RNF130: variants seen among roughly 807,000 people sequenced by gnomAD.
The protein encoded by RNF130 is ring finger protein 130.
A neutral mutation model predicts 44.6 loss-of-function variants in RNF130; 21 were observed. The observed-to-expected ratio is 0.47, with a 90% CI of 0.33 to 0.68. The LOEUF is 0.68. Ranked by LOEUF, RNF130 falls within the 30% of genes least tolerant of loss-of-function variation. RNF130 has a pLI of 0.02. For synonymous variants in RNF130, 214 were observed against 210.4 expected, an observed-to-expected ratio of 1.02 and a Z score of -0.15; for missense variants, 479 against 560.6, an observed-to-expected ratio of 0.85 and a Z score of 1.47.
chr5:179,941,372 G>A (rs17616317), intron 7 of RNF130, among the ~76,000 whole-genome samples: 9,331 of 152,306 alleles, frequency 0.061, 317 homozygotes, highest in South Asian at 0.12. Context: ...AGATTGAACA[G>A]ATTCACAGTT....
chr5:179,992,201 G>A (rs1206351806), intron 3 of RNF130, among the ~76,000 whole-genome samples: 1 of 152,162 alleles, frequency 6.6e-6, no homozygotes, highest in Non-Finnish European at 1.5e-5. Context: ...GAGTGCAGTG[G>A]CACGATCTCG....
At position 179,955,249 on chromosome 5, in the gene RNF130, AATCAACTGACC is replaced by A. The variant is rs1431997795; in HGVS notation, c.*394_*404del. ...GAATGTCCCCCTTGAAGAATGAGTA[AATCAACTGACC>A]ATCCTAAGCGGCATCACCAGCAGGA... On this transcript the variant is annotated 3_prime_UTR_variant, in exon 9 of 9. Transcript: ENST00000521389. The A allele has an allele frequency of 1.8e-5, 3 of 163,308 alleles. No individual in the cohort carries two copies. Among genetic ancestry groups the A allele is most frequent in the African/African-American group, 7.1e-5 (3 of 42,010 alleles). 10.1% of individuals were successfully genotyped at this position (163,308 alleles called of 1,614,324 possible).
chr5:179,953,881 A>G (rs1762163430), downstream of RNF130, among the ~76,000 whole-genome samples: 3 of 152,244 alleles, frequency 2.0e-5, no homozygotes, highest in Admixed American at 6.5e-5. Flanking sequence ...CCTAGTATCT[A>G]GAACATACAA....
intron 2 of RNF130, among the ~76,000 whole-genome samples, chr5:180,034,438 T>C (rs1311327047): frequency 1.3e-5 from 2 of 152,188 alleles, no homozygotes; most frequent in African/African-American, 4.8e-5. Context: ...GAAGGATTAG[T>C]ATTATTTTTT....
chr5:179,931,528 G>A (rs746813120), intron 7 of RNF130, among the ~76,000 whole-genome samples: 23 of 151,928 alleles, frequency 1.5e-4, no homozygotes, highest in African/African-American at 2.9e-4. Context: ...CAGCACTTTG[G>A]GGGGCCGAGG....
chr5:179,926,655 TA>T (rs1191022762), intron 7 of RNF130, among the ~76,000 whole-genome samples: 3 of 151,860 alleles, frequency 2.0e-5, no homozygotes, highest in Non-Finnish European at 4.4e-5. Flanking sequence ...CTCAAAAAAA[TA>T]AAATAAATAA....
At position 180,013,235 on chromosome 5, in the gene RNF130, G is replaced by A. The variant is rs2113085563; in HGVS notation, c.519C>T (p.Ile173=). 3.7e-6 allele frequency: 6 copies of A among 1,614,120 alleles called. No individual in the cohort carries two copies. The highest frequency in any genetic ancestry group is 2.5e-6 in the Non-Finnish European group (3 of 1,180,006). The change falls in exon 3 of 9, where the codon ATC becomes ATT. Residue 173 remains isoleucine (I), a synonymous_variant. Coordinates refer to ENST00000521389, the MANE Select transcript of RNF130 (RefSeq NM_018434.6). Reference sequence around the variant, plus strand: ...CAACAGCTATTGTCATTTGTACAGAGATGTTTTTCTCCAGATAACTCAAAA... The same window carrying A: ...CAACAGCTATTGTCATTTGTACAGAAATGTTTTTCTCCAGATAACTCAAAA... The part of the protein sequence containing the change: ...KDILSYLEKN[I]SVQMTIAVGT...
intron 7 of RNF130, chr5:179,920,430 G>C (rs954946731): frequency 2.6e-5 from 18 of 702,226 alleles, no homozygotes; most frequent in Non-Finnish European, 4.4e-5. Flanking sequence ...TGACCACCTG[G>C]AAAAGGAAGA....
chr5:180,051,238 A>ATATTTATT (rs61340522), intron 1 of RNF130, among the ~76,000 whole-genome samples: 4,117 of 144,120 alleles, frequency 0.029, 157 homozygotes, highest in African/African-American at 0.081. Context: ...TATAGATATT[A>ATATTTATT]TATTTATTTA....
chr5:180,060,199 T>C (rs555151748), intron 1 of RNF130, among the ~76,000 whole-genome samples: 1 of 152,330 alleles, frequency 6.6e-6, no homozygotes, highest in Admixed American at 6.5e-5. Flanking sequence ...AAAACTCATT[T>C]CAGAATTCTG....
intron 7 of RNF130, among the ~76,000 whole-genome samples, chr5:179,947,237 T>C (rs1360484079): frequency 2.0e-5 from 3 of 152,326 alleles, no homozygotes; most frequent in East Asian, 3.9e-4. Flanking sequence ...TTTATTATTT[T>C]CAGGACCAGT....
At chr5:180,069,790 C>T (rs1201489127) in intron 1 of RNF130, among the ~76,000 whole-genome samples, 3 of 152,204 alleles carry the variant, frequency 2.0e-5, no homozygotes, top group South Asian at 2.1e-4. Flanking sequence ...GCTGCCTCCC[C>T]ACTGAGAGGG....
chr5:180,031,869 G>C (rs149888792), intron 2 of RNF130, among the ~76,000 whole-genome samples: 2 of 152,096 alleles, frequency 1.3e-5, no homozygotes, highest in African/African-American at 4.8e-5. Context: ...ATTTCTACTC[G>C]CAATACATAA....
intron 7 of RNF130, among the ~76,000 whole-genome samples, chr5:179,930,119 G>A (rs529302714): frequency 5.3e-5 from 8 of 152,142 alleles, no homozygotes; most frequent in South Asian, 2.1e-4. Context: ...GTGCAATGGC[G>A]TGATCTTGGC....
chr5:179,955,472 G>A lies in RNF130; in HGVS notation c.*182C>T. ...CAGGTCTGGTTAATAAGACTCAACA[G>A]CACAGACTTTTTATTTTATTATTTA... On this transcript the variant is annotated 3_prime_UTR_variant, in exon 9 of 9. Coordinates refer to ENST00000521389, the MANE Select transcript of RNF130 (RefSeq NM_018434.6). 1.9e-6 allele frequency: 1 copy of A among 530,316 alleles called. No homozygotes were observed. Among genetic ancestry groups the A allele is most frequent in the East Asian group, 3.0e-5 (1 of 32,910 alleles). 32.9% of individuals were successfully genotyped at this position (530,316 alleles called of 1,614,324 possible).
rs1445296197 is a variant in RNF130, at chr5:180,062,077, C to T, written c.247+9379G>A. On this transcript the variant is annotated intron_variant, in intron 1 of 8. Transcript: ENST00000521389. ...CCTCTTTTTTTTTTTTTTTTTTAGA[C>T]GGAGTCTCACTCTGTGACCCAGGCT... Among the ~76,000 whole-genome samples, 20 of 137,548 alleles carry T rather than the reference C, an allele frequency of 1.5e-4. 1 individual carries two copies. The highest frequency in any genetic ancestry group is 4.3e-4 in the African/African-American group (16 of 36,832). The allele number at this position is 137,548 out of a possible 152,430, so 90.2% of individuals were successfully genotyped here.
At position 180,061,400 on chromosome 5, in the gene RNF130, T is replaced by A. The variant is rs182505155; in HGVS notation, c.247+10056A>T. Among the ~76,000 whole-genome samples, 10 of 152,292 alleles carry A rather than the reference T, an allele frequency of 6.6e-5. No individual in the cohort carries two copies. In the East Asian group the frequency reaches 1.5e-3, roughly 24 times the overall value. On this transcript the variant is annotated intron_variant, in intron 1 of 8. Transcript: ENST00000521389. ...GTTCAACGCTGGGATTCTCTTTGTA[T>A]TAGTTTCCAGTGGCGGCCGCAAGAC...
At chr5:180,044,763 C>T (rs75650050) in intron 1 of RNF130, among the ~76,000 whole-genome samples, 4 of 151,568 alleles carry the variant, frequency 2.6e-5, no homozygotes, top group African/African-American at 9.7e-5. Flanking sequence ...ACCCAGGAGG[C>T]GGAGGTTACA....
intron 8 of RNF130, among the ~76,000 whole-genome samples, chr5:179,958,737 A>G (rs181627385): frequency 6.6e-6 from 1 of 152,102 alleles, no homozygotes; most frequent in East Asian, 1.9e-4. Context: ...CCCAGGCTGG[A>G]GTGCAATGGG....
Sources: gnomAD v4.1 joint callset for allele counts (sites outside exome capture counted in the v4.1 genomes callset) on GRCh38, gnomAD v4.1.1 for gene constraint, MANE v1.5 for transcripts, NCBI Gene and HGNC (gene_info 2026-07-23, HGNC 2026-07-21) for gene names.